The following JAK1 variants were observed in gnomAD, a reference collection of about 807,000 sequenced individuals.
The protein encoded by JAK1 is tyrosine-protein kinase JAK1.
A neutral mutation model predicts 136.6 loss-of-function variants in JAK1; 16 were observed. The ratio of observed to expected loss-of-function variants is 0.12; its 90% CI spans 0.08 to 0.18. JAK1 has a LOEUF of 0.18. JAK1 is among the 10% of genes least tolerant of loss of function. The pLI, the probability that JAK1 is intolerant of heterozygous loss-of-function variation, is 1.00. For missense variants in JAK1, 859 were observed against 1,450.1 expected (o/e 0.59, Z 6.62); for synonymous variants, 492 against 519.5 (o/e 0.95, Z 0.72).
chr1:64,975,367 C>G lies in JAK1; in HGVS notation c.-78+69113G>C, dbSNP rs528151862. ...GCACAGAGGCAACAGCTGGGGCTGT[C>G]AGTCAGTCATGCTCCCACAGCAGGA... On this transcript the variant is annotated intron_variant, in intron 2 of 25. Coordinates refer to the JAK1 transcript ENST00000671954. Among the ~76,000 whole-genome samples the G allele has an allele frequency of 3.9e-5, 6 of 152,342 alleles. No individual in the cohort carries two copies. In the South Asian group the frequency reaches 8.3e-4, roughly 21 times the overall value.
Position 64,855,537 on chromosome 1 carries a change from T to C in JAK1, c.1620A>G (p.Leu540=). The change falls in exon 11 of 25, where the codon CTA becomes CTG. Residue 540 remains leucine (L), a synonymous_variant. Coordinates refer to ENST00000342505, the MANE Select transcript of JAK1 (RefSeq NM_002227.4). ...ILRTDNISFM[L]KRCCQPKPRE... is the part of the protein sequence containing the mutation. ...GGGGCTTGGGCTGGCAGCAGCGTTT[T>C]AGCATGAAGCTGATGTTATCCGTGC... 2 of 1,614,194 alleles carry C rather than the reference T, an allele frequency of 1.2e-6. No individual in the cohort carries two copies. The highest frequency in any genetic ancestry group is 1.7e-6 in the Non-Finnish European group (2 of 1,180,016).
chr1:64,913,237 C>G (rs1488601901), intron 1 of JAK1, among the ~76,000 whole-genome samples: 1 of 152,062 alleles, frequency 6.6e-6, no homozygotes, highest in African/African-American at 2.4e-5. Context: ...ATTGCCCAGG[C>G]TGGGGTGTCC....
At chr1:65,027,361 C>T (rs1310816089) in intron 2 of JAK1, among the ~76,000 whole-genome samples, 1 of 152,140 alleles carries the variant, frequency 6.6e-6, no homozygotes, top group African/African-American at 2.4e-5. Context: ...CCAATTATCT[C>T]GAAACTTTGA....
Position 65,008,162 on chromosome 1 carries a change from C to T in JAK1, c.-78+36318G>A, listed in dbSNP as rs528018143. 8.5e-5 allele frequency among the ~76,000 whole-genome samples: 13 copies of T among 152,192 alleles called. No homozygotes were observed. In the East Asian group the frequency reaches 2.1e-3, roughly 25 times the overall value. On this transcript the variant is annotated intron_variant, in intron 2 of 25. Coordinates refer to the JAK1 transcript ENST00000671954. The stretch of plus-strand genomic sequence containing the variant: ...TAGGGTAGAAATCCAGGAAGCCACC[C>T]GTATGGGATGGACAGACCACCCAAT...
At chr1:65,020,149 C>T (rs1315605915) in intron 2 of JAK1, among the ~76,000 whole-genome samples, 3 of 142,916 alleles carry the variant, frequency 2.1e-5, no homozygotes, top group South Asian at 2.3e-4. Flanking sequence ...CGCTTGAACC[C>T]GGGAGGCGGA....
At chr1:64,994,444 T>C (rs1646685473) in intron 2 of JAK1, among the ~76,000 whole-genome samples, 1 of 152,192 alleles carries the variant, frequency 6.6e-6, no homozygotes, top group African/African-American at 2.4e-5. Context: ...AGAGATTTAT[T>C]TCATACAGTT....
At chr1:64,861,381 G>A (rs1187339239) in intron 8 of JAK1, among the ~76,000 whole-genome samples, 3 of 152,206 alleles carry the variant, frequency 2.0e-5, no homozygotes, top group East Asian at 1.9e-4. Flanking sequence ...AGAGGAGGGA[G>A]GGGATTTCCA....
chr1:64,911,934 T>A (rs766749262), intron 1 of JAK1, among the ~76,000 whole-genome samples: 4 of 152,182 alleles, frequency 2.6e-5, no homozygotes, highest in African/African-American at 9.7e-5. Flanking sequence ...TTCAAAACTC[T>A]CATAAAATTT....
intron 1 of JAK1, among the ~76,000 whole-genome samples, chr1:64,942,966 A>C (rs532929686): frequency 1.3e-5 from 2 of 152,350 alleles, no homozygotes; most frequent in Admixed American, 1.3e-4. Context: ...TTAATCATTA[A>C]GGAAATTAAA....
intron 2 of JAK1, among the ~76,000 whole-genome samples, chr1:65,039,315 T>G (rs1276940870): frequency 6.6e-6 from 1 of 152,312 alleles, no homozygotes; most frequent in Admixed American, 6.5e-5. Flanking sequence ...TAGAGATAAC[T>G]CAAACAACCT....
chr1:64,838,104 C>T lies in JAK1; in HGVS notation c.2968G>A (p.Gly990Arg). 1 of 1,610,396 alleles carries T rather than the reference C, an allele frequency of 6.2e-7. No homozygotes were observed. The highest frequency in any genetic ancestry group is 1.3e-5 in the African/African-American group (1 of 74,912). ...TGCCGAGAACCCAAATAGTCCATCC[C>T]CTGAGAGAGAGAAGTAAAAGTCAAG... is the stretch of plus-strand genomic sequence containing the variant. ...QLKYAVQICK[G>R]MDYLGSRQYV... Residue 990 changes from glycine to arginine, a missense_variant and splice_region_variant, in exon 22 of 25, where the codon GGG (glycine) becomes AGG (arginine). Coordinates refer to ENST00000342505, the MANE Select transcript of JAK1 (RefSeq NM_002227.4).
chr1:64,899,849 A>G (rs1645077888), intron 1 of JAK1, among the ~76,000 whole-genome samples: 1 of 152,224 alleles, frequency 6.6e-6, no homozygotes. Flanking sequence ...TATGGTAATG[A>G]AAAAATCAAA....
chr1:65,005,846 C>T (rs140650946), intron 2 of JAK1, among the ~76,000 whole-genome samples: 1 of 152,138 alleles, frequency 6.6e-6, no homozygotes, highest in East Asian at 1.9e-4. Context: ...CAAAATTAGC[C>T]AAGATGGTCT....
chr1:64,881,197 A>G (rs1265809458), intron 3 of JAK1, among the ~76,000 whole-genome samples: 1 of 151,734 alleles, frequency 6.6e-6, no homozygotes, highest in Non-Finnish European at 1.5e-5. Context: ...AGGAGGTCAC[A>G]GTTATAGTGA....
In JAK1 at chr1:64,997,633, T is replaced by C. The variant is rs1646715221; in HGVS notation, c.-78+46847A>G. Reference sequence around the variant, plus strand: ...GATAACCTAGGGGTCCTGGACTTTTTGTGTGACTGACATAAACAAGGACAA... The same window carrying C: ...GATAACCTAGGGGTCCTGGACTTTTCGTGTGACTGACATAAACAAGGACAA... On this transcript the variant is annotated intron_variant, in intron 2 of 25. Transcript: ENST00000671954. Among the ~76,000 whole-genome samples the C allele has an allele frequency of 2.0e-5, 3 of 152,322 alleles. No individual in the cohort carries two copies. The South Asian group carries it at 6.2e-4, about 32-fold the overall frequency.
chr1:65,003,045 T>C (rs1646775381), intron 2 of JAK1, among the ~76,000 whole-genome samples: 1 of 141,450 alleles, frequency 7.1e-6, no homozygotes, highest in Admixed American at 7.3e-5. Context: ...AAGAAAAGCA[T>C]TGGCACCGCA....
At chr1:64,860,328 T>C (rs1325202859) in intron 8 of JAK1, 66 bp from the exon 9 acceptor site, 3 of 1,390,108 alleles carry the variant, frequency 2.2e-6, no homozygotes, top group South Asian at 3.0e-5. Context: ...GCTGACTCTG[T>C]AGGGAGGTGC....
At chr1:65,017,539 G>T (rs1048219106) in intron 2 of JAK1, among the ~76,000 whole-genome samples, 6 of 152,042 alleles carry the variant, frequency 3.9e-5, no homozygotes, top group African/African-American at 1.4e-4. Flanking sequence ...ATCTAATAGA[G>T]ATTATCTATA....
At chr1:64,956,539 G>A (rs1191729742) in intron 1 of JAK1, among the ~76,000 whole-genome samples, 1 of 152,146 alleles carries the variant, frequency 6.6e-6, no homozygotes, top group African/African-American at 2.4e-5. Flanking sequence ...CCCAACCTAA[G>A]CATTCACTAC....
Sources: allele counts gnomAD v4.1 joint callset (sites outside exome capture counted in the v4.1 genomes callset), GRCh38; gene constraint gnomAD v4.1.1; transcripts MANE v1.5; gene names NCBI Gene and HGNC (gene_info 2026-07-23, HGNC 2026-07-21).